KAZN: variants seen among roughly 807,000 people sequenced by gnomAD.
The protein encoded by KAZN is kazrin, periplakin interacting protein, also known as kazrin.
Under a neutral mutation model 87.4 loss-of-function variants are expected in KAZN, and 40 were observed. The observed-to-expected ratio is 0.46, with a 90% CI of 0.36 to 0.60. KAZN has a LOEUF of 0.60. Among genes scored for constraint, KAZN ranks in the 20% least tolerant of loss-of-function variants. The pLI, the probability that KAZN is intolerant of heterozygous loss-of-function variation, is 0.00. For synonymous variants in KAZN, 466 were observed against 458.3 expected, an observed-to-expected ratio of 1.02 and a Z score of -0.22; for missense variants, 898 against 1,073.9, an observed-to-expected ratio of 0.84 and a Z score of 2.29.
chr1:14,702,525 A>C (rs1641990307), intron 1 of KAZN, among the ~76,000 whole-genome samples: 1 of 152,150 alleles, frequency 6.6e-6, no homozygotes, highest in South Asian at 2.1e-4. Context: ...TCAGAGCTTC[A>C]CTGACTCTCC....
At chr1:14,774,036 G>C (rs919045528) in intron 1 of KAZN, among the ~76,000 whole-genome samples, 1 of 152,238 alleles carries the variant, frequency 6.6e-6, no homozygotes, top group Admixed American at 6.5e-5. Context: ...TCTGCATTAA[G>C]TCATCCAAGG....
chr1:14,745,323 GTT>G (rs1024582726), intron 1 of KAZN, among the ~76,000 whole-genome samples: 22 of 151,264 alleles, frequency 1.5e-4, no homozygotes, highest in Non-Finnish European at 7.4e-5. Flanking sequence ...CTCTGCAACT[GTT>G]TTTAAATGGT....
intron 2 of KAZN, among the ~76,000 whole-genome samples, chr1:14,390,386 A>G (rs146894498): frequency 2.6e-5 from 4 of 152,232 alleles, no homozygotes; most frequent in Non-Finnish European, 4.4e-5. Context: ...GGGCGAAATC[A>G]TGAGAGGTGG....
intron 7 of KAZN, among the ~76,000 whole-genome samples, chr1:15,063,943 C>T (rs1423234739): frequency 6.6e-6 from 1 of 152,230 alleles, no homozygotes; most frequent in Non-Finnish European, 1.5e-5. Flanking sequence ...GGGCCTGAGC[C>T]AGTCTCAGCA....
At chr1:15,034,175 TG>T (rs1672013395) in intron 2 of KAZN, among the ~76,000 whole-genome samples, 1 of 152,272 alleles carries the variant, frequency 6.6e-6, no homozygotes, top group Admixed American at 6.5e-5. Flanking sequence ...TTTACTTTCT[TG>T]ATGATATCCT....
chr1:13,922,217 A>G (rs1640094879), intron 1 of KAZN, among the ~76,000 whole-genome samples: 1 of 152,068 alleles, frequency 6.6e-6, no homozygotes, highest in Non-Finnish European at 1.5e-5. Flanking sequence ...TCTATTCTTT[A>G]CAGATCATCG....
At chr1:13,984,879 T>C (rs7539510) in intron 1 of KAZN, among the ~76,000 whole-genome samples, 26,463 of 152,198 alleles carry the variant, frequency 0.17, 2,915 homozygotes, top group Non-Finnish European at 0.24. Context: ...TAAGCAGATA[T>C]GTGCAACTGT....
intron 2 of KAZN, among the ~76,000 whole-genome samples, chr1:14,270,317 A>G (rs1345015736): frequency 1.3e-5 from 2 of 152,216 alleles, no homozygotes; most frequent in African/African-American, 4.8e-5. Flanking sequence ...CTCCAAGGAA[A>G]AGTAGGATGT....
At chr1:14,187,070 G>A (rs1646323876) in intron 2 of KAZN, among the ~76,000 whole-genome samples, 1 of 152,160 alleles carries the variant, frequency 6.6e-6, no homozygotes, top group Non-Finnish European at 1.5e-5. Flanking sequence ...GGGACAGGAG[G>A]TTGGGTATTA....
At chr1:14,720,583 C>G (rs1308874287) in intron 1 of KAZN, among the ~76,000 whole-genome samples, 1 of 152,230 alleles carries the variant, frequency 6.6e-6, no homozygotes, top group Non-Finnish European at 1.5e-5. Context: ...GCCTCATATT[C>G]TTGCAATATT....
chr1:13,992,200 T>A (rs573065130), intron 1 of KAZN, among the ~76,000 whole-genome samples: 15 of 152,290 alleles, frequency 9.8e-5, no homozygotes, highest in African/African-American at 3.4e-4. Flanking sequence ...GCACCCCAAA[T>A]ACATGGGCTG....
At chr1:13,986,659 TAAAAGG>T (rs1395720239) in intron 1 of KAZN, among the ~76,000 whole-genome samples, 2 of 152,130 alleles carry the variant, frequency 1.3e-5, no homozygotes, top group Non-Finnish European at 2.9e-5. Flanking sequence ...CCAGTTAACT[TAAAAGG>T]AAAAGGAATG....
intron 1 of KAZN, among the ~76,000 whole-genome samples, chr1:14,060,931 A>G (rs1391805566): frequency 6.6e-6 from 1 of 152,230 alleles, no homozygotes; most frequent in Non-Finnish European, 1.5e-5. Context: ...AGTGGTGGAT[A>G]GTGCCCTGGA....
At chr1:14,942,498 T>C (rs1186461360) in intron 1 of KAZN, among the ~76,000 whole-genome samples, 1 of 152,242 alleles carries the variant, frequency 6.6e-6, no homozygotes, top group Admixed American at 6.5e-5. Flanking sequence ...CAACCTTCTG[T>C]TCTTTATTCA....
intron 1 of KAZN, among the ~76,000 whole-genome samples, chr1:14,919,595 C>T (rs1658273848): frequency 6.6e-6 from 1 of 152,216 alleles, no homozygotes; most frequent in African/African-American, 2.4e-5. Context: ...CAAAACTCTG[C>T]ATCTTCCAGG....
intron 1 of KAZN, among the ~76,000 whole-genome samples, chr1:14,946,489 C>T (rs1290177065): frequency 6.6e-6 from 1 of 152,090 alleles, no homozygotes; most frequent in Non-Finnish European, 1.5e-5. Context: ...AGGCGCCTGC[C>T]ACCACGCTTG....
At chr1:14,471,869 T>C (rs1251220923) in intron 2 of KAZN, among the ~76,000 whole-genome samples, 1 of 152,226 alleles carries the variant, frequency 6.6e-6, no homozygotes, top group African/African-American at 2.4e-5. Context: ...CCCGTTTGAA[T>C]TGTTACCATG....
At chr1:14,736,749 GA>G (rs1643922307) in intron 1 of KAZN, among the ~76,000 whole-genome samples, 1 of 152,154 alleles carries the variant, frequency 6.6e-6, no homozygotes. Flanking sequence ...GTGCAAGGGT[GA>G]AGGAATAGTA....
At chr1:14,473,513 G>A (rs1364199579) in intron 2 of KAZN, among the ~76,000 whole-genome samples, 1 of 151,942 alleles carries the variant, frequency 6.6e-6, no homozygotes, top group Non-Finnish European at 1.5e-5. Context: ...TGTAGTTCCA[G>A]CTACTTGGGA....
Sources: allele counts gnomAD v4.1 joint callset (sites outside exome capture counted in the v4.1 genomes callset), GRCh38; gene constraint gnomAD v4.1.1; transcripts MANE v1.5; gene names NCBI Gene and HGNC (gene_info 2026-07-23, HGNC 2026-07-21).